GRIK1: variants seen among roughly 807,000 people sequenced by gnomAD.
GRIK1 encodes glutamate ionotropic receptor kainate type subunit 1, also known as glutamate receptor ionotropic, kainate 1.
A neutral mutation model predicts 105.7 loss-of-function variants in GRIK1; 69 were observed. The ratio of observed to expected loss-of-function variants is 0.65; its 90% CI spans 0.54 to 0.80. The LOEUF (loss-of-function observed/expected upper bound fraction) is 0.80. GRIK1 is among the 30% of genes least tolerant of loss of function. The probability of loss-of-function intolerance (pLI) is 0.00; values close to 1 mark genes in which losing one functional copy is unlikely to be tolerated. For synonymous variants in GRIK1, 438 were observed against 431.3 expected, an observed-to-expected ratio of 1.02 and a Z score of -0.19; for missense variants, 1,109 against 1,167.3, an observed-to-expected ratio of 0.95 and a Z score of 0.73.
At chr21:29,716,510 G>A (rs774051997) in intron 1 of GRIK1, among the ~76,000 whole-genome samples, 5 of 152,204 alleles carry the variant, frequency 3.3e-5, no homozygotes, top group South Asian at 2.1e-4. Context: ...TGATAGTAAT[G>A]TGGGCAATGA....
At chr21:29,814,065 C>T (rs1247985497) in intron 1 of GRIK1, among the ~76,000 whole-genome samples, 4 of 148,480 alleles carry the variant, frequency 2.7e-5, no homozygotes, top group African/African-American at 7.4e-5. Flanking sequence ...CAGGTGCGTG[C>T]CACCACACCT....
intron 6 of GRIK1, among the ~76,000 whole-genome samples, chr21:29,649,861 A>C (rs771730797): frequency 1.5e-4 from 23 of 152,210 alleles, no homozygotes; most frequent in Non-Finnish European, 2.5e-4. Flanking sequence ...TTGAAACTTC[A>C]TTGGAAAAGT....
chr21:29,828,044 T>A (rs1335029778), intron 1 of GRIK1, among the ~76,000 whole-genome samples: 1 of 151,624 alleles, frequency 6.6e-6, no homozygotes, highest in Admixed American at 6.6e-5. Flanking sequence ...TGGGTGTGTG[T>A]CTAATGAAAC....
At position 29,642,885 on chromosome 21, in the gene GRIK1, G is replaced by T; in HGVS notation, c.1039C>A (p.Gln347Lys). 1.2e-6 allele frequency: 2 copies of T among 1,613,832 alleles called. No homozygotes were observed. Among genetic ancestry groups the T allele is most frequent in the Non-Finnish European group, 1.7e-6 (2 of 1,179,704 alleles). Residue 347 changes from glutamine to lysine, a missense_variant, in exon 7 of 18, where the codon CAG becomes AAG. Gln to Lys is a moderately conservative substitution (Grantham distance 53, BLOSUM62 1). This residue lies in a region of GRIK1 where 612 missense variants were observed against 586.0 expected (regional missense o/e 1.04). Coordinates refer to ENST00000327783, the MANE Select transcript of GRIK1 (RefSeq NM_001330994.2). ...RASQLTVSSL[Q>K]CHRHKPWRLG... ...CGCCATGGCTTATGTCTATGGCACT[G>T]CAGGGAGCTGACGGTCAGCTGGGAT...
chr21:29,751,482 T>C (rs2065200432), intron 1 of GRIK1, among the ~76,000 whole-genome samples: 1 of 152,186 alleles, frequency 6.6e-6, no homozygotes, highest in Non-Finnish European at 1.5e-5. Flanking sequence ...TCAAGGTTGC[T>C]CTTGCTGCTA....
chr21:29,872,772 A>T (rs2069063892), intron 1 of GRIK1, among the ~76,000 whole-genome samples: 1 of 152,112 alleles, frequency 6.6e-6, no homozygotes, highest in Non-Finnish European at 1.5e-5. Context: ...ATCTCATGAG[A>T]CTTACTCATT....
At chr21:29,917,894 A>G (rs952686236) in intron 1 of GRIK1, among the ~76,000 whole-genome samples, 10 of 152,026 alleles carry the variant, frequency 6.6e-5, no homozygotes, top group African/African-American at 2.4e-4. Flanking sequence ...GACAAAACAG[A>G]CCTAATTTCT....
intron 1 of GRIK1, among the ~76,000 whole-genome samples, chr21:29,935,789 C>T (rs2071727781): frequency 7.0e-6 from 1 of 143,496 alleles, no homozygotes; most frequent in African/African-American, 3.0e-5. Flanking sequence ...TTTCATCTTC[C>T]CTTGTGAAAC....
intron 1 of GRIK1, among the ~76,000 whole-genome samples, chr21:29,866,442 C>T (rs1421229470): frequency 6.6e-6 from 1 of 151,908 alleles, no homozygotes; most frequent in Non-Finnish European, 1.5e-5. Flanking sequence ...CTGCTATTAC[C>T]TCTGGGATGT....
At chr21:29,837,590 A>G (rs1409844342) in intron 1 of GRIK1, among the ~76,000 whole-genome samples, 1 of 152,224 alleles carries the variant, frequency 6.6e-6, no homozygotes, top group African/African-American at 2.4e-5. Context: ...CAATTTTCCT[A>G]TAGAAGACTA....
chr21:29,775,265 G>T (rs1470647948), intron 1 of GRIK1, among the ~76,000 whole-genome samples: 1 of 132,850 alleles, frequency 7.5e-6, no homozygotes, highest in African/African-American at 3.0e-5. Flanking sequence ...GACAGAGTGA[G>T]CCTCTGTCTC....
intron 1 of GRIK1, among the ~76,000 whole-genome samples, chr21:29,799,686 T>C (rs1427608433): frequency 1.3e-5 from 2 of 152,098 alleles, no homozygotes; most frequent in East Asian, 1.9e-4. Flanking sequence ...TGCACCACCA[T>C]GCCCGACTAA....
chr21:29,707,001 A>G (rs1293797380), intron 1 of GRIK1, among the ~76,000 whole-genome samples: 1 of 152,072 alleles, frequency 6.6e-6, no homozygotes, highest in African/African-American at 2.4e-5. Flanking sequence ...AGTAGCTTGG[A>G]CTACAGGTGC....
intron 1 of GRIK1, among the ~76,000 whole-genome samples, chr21:29,819,317 G>A (rs9978609): frequency 0.071 from 10,772 of 152,074 alleles, 424 homozygotes; most frequent in South Asian, 0.086. Context: ...TGGCTGCTTA[G>A]AAGCACTCAT....
chr21:29,888,816 G>A (rs1342997235), intron 1 of GRIK1, among the ~76,000 whole-genome samples: 1 of 152,180 alleles, frequency 6.6e-6, no homozygotes, highest in Non-Finnish European at 1.5e-5. Flanking sequence ...TCTCCACTAT[G>A]ATGGCGTTTT....
At chr21:29,706,704 A>G (rs753193836) in intron 1 of GRIK1, among the ~76,000 whole-genome samples, 1 of 152,246 alleles carries the variant, frequency 6.6e-6, no homozygotes, top group Admixed American at 6.5e-5. Flanking sequence ...ACAGTTAAAC[A>G]TCATATCACA....
intron 7 of GRIK1, among the ~76,000 whole-genome samples, chr21:29,613,602 C>T (rs1309907566): frequency 2.6e-5 from 4 of 152,166 alleles, no homozygotes; most frequent in Admixed American, 2.6e-4. Flanking sequence ...ATTTATCTAT[C>T]TATCTATCCA....
At chr21:29,775,840 G>A (rs895811005) in intron 1 of GRIK1, among the ~76,000 whole-genome samples, 7 of 152,090 alleles carry the variant, frequency 4.6e-5, no homozygotes, top group Non-Finnish European at 8.8e-5. Context: ...ATTTAAAGGC[G>A]CTAAACCTCC....
At chr21:29,810,068 T>A (rs1182582404) in intron 1 of GRIK1, among the ~76,000 whole-genome samples, 2 of 152,046 alleles carry the variant, frequency 1.3e-5, no homozygotes, top group African/African-American at 4.8e-5. Context: ...AAGGCTGAGA[T>A]GGGTGGATCA....
Sources: gnomAD v4.1 joint callset for allele counts (sites outside exome capture counted in the v4.1 genomes callset) on GRCh38, gnomAD v4.1.1 for gene constraint, gnomAD v4.1.1 regional missense constraint, MANE v1.5 for transcripts, NCBI Gene and HGNC (gene_info 2026-07-23, HGNC 2026-07-21) for gene names.